EPHB3: variants seen among roughly 807,000 people sequenced by gnomAD.
The protein encoded by EPHB3 is EPH receptor B3.
In EPHB3, 33 loss-of-function variants were observed where a neutral mutation model predicts 100.2. The ratio of observed to expected loss-of-function variants is 0.33; its 90% CI spans 0.25 to 0.44. The LOEUF (loss-of-function observed/expected upper bound fraction) is 0.44. Ranked by LOEUF, EPHB3 falls within the 20% of genes least tolerant of loss-of-function variation. The pLI is 1.00. For missense variants in EPHB3, 1,045 were observed against 1,378.3 expected, an observed-to-expected ratio of 0.76 and a Z score of 3.83; for synonymous variants, 526 against 554.7, an observed-to-expected ratio of 0.95 and a Z score of 0.73.
In EPHB3 at chr3:184,579,829, T is replaced by C. The variant is rs61730730; in HGVS notation, c.2067T>C (p.Phe689=). 2,978 of 1,613,202 alleles carry C rather than the reference T, an allele frequency of 1.8e-3. 49 individuals carry two copies. In the African/African-American group the frequency reaches 0.034, roughly 19 times the overall value. ...GCGAGGCCTCCATCATGGGTCAGTTTGATCACCCCAATATAATCCGGCTCG... is the reference window on the plus strand; with the variant it reads ...GCGAGGCCTCCATCATGGGTCAGTTCGATCACCCCAATATAATCCGGCTCG... ...FLSEASIMGQ[F]DHPNIIRLEG... is the part of the protein sequence containing the mutation. The change falls in exon 11 of 16, where the codon TTT becomes TTC. Residue 689 remains phenylalanine (F), a synonymous_variant. Transcript: ENST00000330394. This position sits in a 1 kb window ranked among gnomAD's most constrained non-coding sequence, Gnocchi z 5.2.
In EPHB3 at chr3:184,572,702, G is replaced by A. The variant is rs1714571012; in HGVS notation, c.382G>A (p.Glu128Lys). The change falls in exon 3 of 16, where the codon GAG becomes AAG. Residue 128 changes from glutamate (E) to lysine (K), a missense_variant. Coordinates refer to ENST00000330394, the MANE Select transcript of EPHB3 (RefSeq NM_004443.4). The surrounding 1 kb of genome is among the most constrained non-coding windows in gnomAD (Gnocchi z 6.6). ...CCCCAACATCCCCGGCTCCTGCAAGGAGACCTTCAACCTCTTCTACTACGA... is the reference window on the plus strand; with the variant it reads ...CCCCAACATCCCCGGCTCCTGCAAGAAGACCTTCAACCTCTTCTACTACGA... ...SIPNIPGSCKETFNLFYYEAD... is the reference protein window; with the variant it reads ...SIPNIPGSCKKTFNLFYYEAD... 1 of 1,611,764 alleles carries A rather than the reference G, an allele frequency of 6.2e-7. No individual in the cohort carries two copies. Among genetic ancestry groups the A allele is most frequent in the Non-Finnish European group, 8.5e-7 (1 of 1,179,130 alleles).
rs1560066379 is a variant in EPHB3, at chr3:184,582,060, A to G, written c.*438A>G. 6.3e-6 allele frequency: 1 copy of G among 159,584 alleles called. No individual in the cohort carries two copies. Among genetic ancestry groups the G allele is most frequent in the Non-Finnish European group, 1.4e-5 (1 of 72,692 alleles). 9.9% of individuals were successfully genotyped at this position (159,584 alleles called of 1,614,324 possible). On this transcript the variant is annotated 3_prime_UTR_variant, in exon 16 of 16. Transcript: ENST00000330394. The stretch of plus-strand genomic sequence containing the variant: ...GGAACTGGAGGAGGGGACTCCAGGA[A>G]TGGGGAAATGTGACACCACCATCCT...
chr3:184,579,608 C>T lies in EPHB3; in HGVS notation c.1924+9C>T. ...GGAGGTGATCGGAGCTGGTGAGTCT[C>T]CCGGGGCACAGTAGAGATGAGAAGC... On this transcript the variant is annotated intron_variant, in intron 10 of 15. Transcript: ENST00000330394. The surrounding 1 kb of genome is among the most constrained non-coding windows in gnomAD (Gnocchi z 5.2). 6.2e-7 allele frequency: 1 copy of T among 1,613,792 alleles called. No homozygotes were observed. Among genetic ancestry groups the T allele is most frequent in the Non-Finnish European group, 8.5e-7 (1 of 1,179,908 alleles).
In EPHB3 at chr3:184,577,147, C is replaced by T. The variant is rs56029711; in HGVS notation, c.1318C>T (p.Arg440Cys). 9 of 1,608,162 alleles carry T rather than the reference C, an allele frequency of 5.6e-6. No homozygotes were observed. Among genetic ancestry groups the T allele is most frequent in the South Asian group, 5.5e-5 (5 of 90,660 alleles). ...CTCGGGCAAGAGCCCTCTGCCGCCT[C>T]GTTATGCGGCCGTGAATATCACCAC... Reference protein sequence around the residue: ...GVSGKSPLPPRYAAVNITTNQ... With the variant: ...GVSGKSPLPPCYAAVNITTNQ... Residue 440 changes from arginine (R) to cysteine (C), a missense_variant, in exon 5 of 16, where the codon CGT becomes TGT. Physicochemically the swap from Arg to Cys is radical, Grantham distance 180. Around this residue, in one of 2 missense-constraint regions of EPHB3, gnomAD observed 985 missense variants for 1,331.1 expected, o/e 0.74. Transcript: ENST00000330394. The surrounding 1 kb of genome is among the most constrained non-coding windows in gnomAD (Gnocchi z 4.9).
In EPHB3 at chr3:184,579,413, G is replaced by C; in HGVS notation, c.1802-64G>C. 6.3e-7 allele frequency: 1 copy of C among 1,590,668 alleles called. No homozygotes were observed. Among genetic ancestry groups the C allele is most frequent in the Non-Finnish European group, 8.6e-7 (1 of 1,164,214 alleles). ...GCTCAGCAGGGAGCCTGCTGGAGCTGTGCCCATCGCAGGGAGAGGCTGGCT... is the reference window on the plus strand; with the variant it reads ...GCTCAGCAGGGAGCCTGCTGGAGCTCTGCCCATCGCAGGGAGAGGCTGGCT... On this transcript the variant is annotated intron_variant, in intron 9 of 15. Coordinates refer to ENST00000330394, the MANE Select transcript of EPHB3 (RefSeq NM_004443.4). This position sits in a 1 kb window ranked among gnomAD's most constrained non-coding sequence, Gnocchi z 5.2.
At chr3:184,566,423 TG>T (rs1475826295) in intron 1 of EPHB3, among the ~76,000 whole-genome samples, 1 of 152,132 alleles carries the variant, frequency 6.6e-6, no homozygotes, top group Non-Finnish European at 1.5e-5. Flanking sequence ...ATCCCAGACA[TG>T]GGGGCCAAGG....
At position 184,579,610 on chromosome 3, in the gene EPHB3, C is replaced by T. The variant is rs148183620; in HGVS notation, c.1924+11C>T. 846 of 1,613,810 alleles carry T rather than the reference C, an allele frequency of 5.2e-4. 12 individuals carry two copies. In the East Asian group the frequency reaches 0.017, roughly 32 times the overall value. ...AGGTGATCGGAGCTGGTGAGTCTCC[C>T]GGGGCACAGTAGAGATGAGAAGCTG... On this transcript the variant is annotated intron_variant, in intron 10 of 15. Coordinates refer to ENST00000330394, the MANE Select transcript of EPHB3 (RefSeq NM_004443.4). The surrounding 1 kb of genome is among the most constrained non-coding windows in gnomAD (Gnocchi z 5.2).
In EPHB3 at chr3:184,580,106, G is replaced by A. The variant is rs113643838; in HGVS notation, c.2172+172G>A. On this transcript the variant is annotated intron_variant, in intron 11 of 15. Transcript: ENST00000330394. ...CCATAAGTATGGGAGTTCACATCTT[G>A]ACTGTTCCTTACTGCCTGTGTGACC... 8.6e-3 allele frequency among the ~76,000 whole-genome samples: 1,315 copies of A among 152,300 alleles called. 15 individuals carry two copies. The highest frequency in any genetic ancestry group is 0.03 in the African/African-American group (1,239 of 41,538).
rs183783068 is a variant in EPHB3, at chr3:184,565,880, C to G, written c.118+3527C>G. Among the ~76,000 whole-genome samples the G allele has an allele frequency of 2.6e-5, 4 of 152,332 alleles. No homozygotes were observed. The highest frequency in any genetic ancestry group is 7.2e-5 in the African/African-American group (3 of 41,574). On this transcript the variant is annotated intron_variant, in intron 1 of 15. Transcript: ENST00000330394. This position sits in a 1 kb window ranked among gnomAD's most constrained non-coding sequence, Gnocchi z 4.8. ...TGCTGCGAGCTGAAGCCGAAGCTGCCGAAGCTGCCGTGGGCAAGGCCTCTG... is the reference window on the plus strand; with the variant it reads ...TGCTGCGAGCTGAAGCCGAAGCTGCGGAAGCTGCCGTGGGCAAGGCCTCTG...
chr3:184,566,429 C>T (rs576554348), intron 1 of EPHB3, among the ~76,000 whole-genome samples: 5 of 152,216 alleles, frequency 3.3e-5, no homozygotes, highest in Non-Finnish European at 4.4e-5. Flanking sequence ...GACATGGGGG[C>T]CAAGGGGCTG....
intron 1 of EPHB3, among the ~76,000 whole-genome samples, chr3:184,566,200 T>C (rs939257332): frequency 6.6e-6 from 1 of 152,070 alleles, no homozygotes; most frequent in South Asian, 2.1e-4. Context: ...AGGGCTCAGG[T>C]TAAGGGCTAG....
chr3:184,580,014 C>T (rs1323614648), intron 11 of EPHB3, 80 bp downstream of exon 11: 1 of 1,548,334 alleles, frequency 6.5e-7, no homozygotes, highest in Non-Finnish European at 8.7e-7. Flanking sequence ...AGTCAGACAG[C>T]CCCTATTCAA....
intron 1 of EPHB3, among the ~76,000 whole-genome samples, chr3:184,567,823 A>T (rs1225781159): frequency 1.3e-5 from 2 of 152,158 alleles, no homozygotes; most frequent in Admixed American, 1.3e-4. Flanking sequence ...GTGTGCGCAT[A>T]TGTTTCAGGA....
chr3:184,571,472 C>T lies in EPHB3; in HGVS notation c.183+90C>T. On this transcript the variant is annotated intron_variant, in intron 2 of 15. Transcript: ENST00000330394. This position sits in a 1 kb window ranked among gnomAD's most constrained non-coding sequence, Gnocchi z 5.0. The stretch of plus-strand genomic sequence containing the variant: ...CCGTGCCCCCTCATCTCACCAGGGC[C>T]TGGAGGAGGGCTGCCTCTGCCCTCT... 2 of 1,421,372 alleles carry T rather than the reference C, an allele frequency of 1.4e-6. No individual in the cohort carries two copies. Among genetic ancestry groups the T allele is most frequent in the Non-Finnish European group, 2.0e-6 (2 of 1,014,654 alleles). 88.0% of individuals were successfully genotyped at this position (1,421,372 alleles called of 1,614,324 possible).
In EPHB3 at chr3:184,577,535, T is replaced by C. The variant is rs79712734; in HGVS notation, c.1479+68T>C. ...GGCTGAGAAAATTACCCCCGGATCA[T>C]GATGGGGCCCTTGGGAGCAAGGCCT... On this transcript the variant is annotated intron_variant, in intron 6 of 15. Transcript: ENST00000330394. The surrounding 1 kb of genome is among the most constrained non-coding windows in gnomAD (Gnocchi z 4.9). 2.1e-3 allele frequency: 3,382 copies of C among 1,601,704 alleles called. 53 individuals are homozygous for C. In the African/African-American group the frequency reaches 0.039, roughly 19 times the overall value.
rs1355160745 is a variant in EPHB3, at chr3:184,571,300, T to A, written c.119-18T>A. On this transcript the variant is annotated intron_variant, in intron 1 of 15. Coordinates refer to ENST00000330394, the MANE Select transcript of EPHB3 (RefSeq NM_004443.4). The surrounding 1 kb of genome is among the most constrained non-coding windows in gnomAD (Gnocchi z 5.0). ...ACCTGAGATTAGTCCCTGACCTTTT[T>A]CTCCGTTGTTCCTCCAGAGACCCTC... is the stretch of plus-strand genomic sequence containing the variant. The A allele has an allele frequency of 6.2e-7, 1 of 1,613,754 alleles. No homozygotes were observed. The highest frequency in any genetic ancestry group is 8.5e-7 in the Non-Finnish European group (1 of 1,179,790).
At position 184,580,876 on chromosome 3, in the gene EPHB3, G is replaced by A. The variant is rs1269650298; in HGVS notation, c.2536G>A (p.Asp846Asn). Residue 846 changes from aspartate (D) to asparagine (N), a missense_variant and splice_region_variant, in exon 13 of 16, where the codon GAT (aspartate) becomes AAT (asparagine). By Grantham distance (23) the Asp-to-Asn change is conservative. This residue lies in a region of EPHB3 where 985 missense variants were observed against 1,331.1 expected (regional missense o/e 0.74). Coordinates refer to ENST00000330394, the MANE Select transcript of EPHB3 (RefSeq NM_004443.4). ...ACCCTACTGGGACATGAGCAACCAGGATGTGAGTGAGGCTACGCCAGAGTG... is the reference window on the plus strand; with the variant it reads ...ACCCTACTGGGACATGAGCAACCAGAATGTGAGTGAGGCTACGCCAGAGTG... ...ERPYWDMSNQ[D>N]VINAVEQDYR... 2 of 1,613,648 alleles carry A rather than the reference G, an allele frequency of 1.2e-6. No individual in the cohort carries two copies. The highest frequency in any genetic ancestry group is 1.7e-6 in the Non-Finnish European group (2 of 1,179,586).
intron 3 of EPHB3, chr3:184,575,320 A>C (rs1314208992): frequency 8.6e-6 from 7 of 811,856 alleles, no homozygotes; most frequent in Non-Finnish European, 1.0e-5. Context: ...AAGGGCAGAC[A>C]GGAGCTGCTG....
At position 184,577,104 on chromosome 3, in the gene EPHB3, G is replaced by A. The variant is rs1714696055; in HGVS notation, c.1275G>A (p.Val425=). The A allele has an allele frequency of 6.2e-7, 1 of 1,612,862 alleles. No homozygotes were observed. The change falls in exon 5 of 16, where the codon GTG becomes GTA. Residue 425 remains valine (V), a synonymous_variant. Transcript: ENST00000330394. The surrounding 1 kb of genome is among the most constrained non-coding windows in gnomAD (Gnocchi z 4.9). ...CCCACACGCGCTACACCTTTGAGGT[G>A]CAGGCGGTCAACGGTGTCTCGGGCA... ...LLAHTRYTFE[V]QAVNGVSGKS...
Sources: allele counts gnomAD v4.1 joint callset (sites outside exome capture counted in the v4.1 genomes callset), GRCh38; gene constraint gnomAD v4.1.1; regional missense constraint gnomAD v4.1.1; non-coding constraint Gnocchi (gnomAD v3.1); transcripts MANE v1.5; gene names NCBI Gene and HGNC (gene_info 2026-07-23, HGNC 2026-07-21).